The following VPS35L variants were observed in gnomAD, a reference collection of about 807,000 sequenced individuals.
VPS35L encodes VPS35 endosomal protein-sorting factor-like.
Under a neutral mutation model 133.0 loss-of-function variants are expected in VPS35L, and 83 were observed. The ratio of observed to expected loss-of-function variants is 0.62; its 90% CI spans 0.52 to 0.75. The LOEUF (loss-of-function observed/expected upper bound fraction) is 0.75. Ranked by LOEUF, VPS35L falls within the 30% of genes least tolerant of loss-of-function variation. The pLI, the probability that VPS35L is intolerant of heterozygous loss-of-function variation, is 0.00. For synonymous variants in VPS35L, 423 were observed against 449.9 expected (o/e 0.94, Z 0.76); for missense variants, 1,083 against 1,206.8 (o/e 0.90, Z 1.52).
chr16:19,608,132 T>A, intron 9 of VPS35L, 46 bp from the exon 10 acceptor site: 1 of 1,434,970 alleles, frequency 7.0e-7, no homozygotes, highest in East Asian at 2.3e-5. Flanking sequence ...CTCACACAGA[T>A]CCTGAGATTT....
At chr16:19,608,808 A>C (rs1972617658) in intron 10 of VPS35L, 166 bp from the exon 11 acceptor site, 1 of 563,400 alleles carries the variant, frequency 1.8e-6, no homozygotes, top group Admixed American at 3.1e-5. Context: ...AACTTTGAAA[A>C]CCATATGTAG....
chr16:19,642,244 A>T, intron 21 of VPS35L, 152 bp from the exon 22 acceptor site: 1 of 608,230 alleles, frequency 1.6e-6, no homozygotes, highest in Non-Finnish European at 2.9e-6. Flanking sequence ...ACAACCAGAG[A>T]ACATGGCTCG....
chr16:19,648,874 C>CAAAAA (rs552677405), intron 24 of VPS35L, among the ~76,000 whole-genome samples: 2 of 91,848 alleles, frequency 2.2e-5, no homozygotes, highest in Admixed American at 2.5e-4. Flanking sequence ...GACTCCATCT[C>CAAAAA]AAAAAAAAAA....
At chr16:19,569,140 A>G (rs929313652) in intron 2 of VPS35L, 1 of 597,212 alleles carries the variant, frequency 1.7e-6, no homozygotes, top group East Asian at 3.6e-5. Context: ...TTGGTTTGCT[A>G]CATAGGGAAC....
chr16:19,655,849 C>T (rs555281840), intron 26 of VPS35L, among the ~76,000 whole-genome samples: 48 of 152,310 alleles, frequency 3.2e-4, no homozygotes, highest in South Asian at 8.3e-4. Context: ...AACTTCTTGC[C>T]CTTGTTTGTC....
At chr16:19,662,833 C>T (rs1414597103) in intron 26 of VPS35L, among the ~76,000 whole-genome samples, 3 of 151,948 alleles carry the variant, frequency 2.0e-5, no homozygotes, top group South Asian at 2.1e-4. Flanking sequence ...TCACCCTAAC[C>T]GAGCTCCTAC....
At position 19,688,025 on chromosome 16, in the gene VPS35L, C is replaced by T. The variant is rs112975329; in HGVS notation, c.2528-3328C>T. ...TGCTGCAACATCTGCCTCCTGGGCT[C>T]AAGTCATCCTCCCACCTCAGCCTCC... On this transcript the variant is annotated intron_variant, in intron 28 of 30. Coordinates refer to ENST00000417362, the MANE Select transcript of VPS35L (RefSeq NM_020314.7). Among the ~76,000 whole-genome samples the T allele has an allele frequency of 5.3e-3, 814 of 152,264 alleles. 3 individuals carry two copies. The highest frequency in any genetic ancestry group is 0.019 in the African/African-American group (791 of 41,568).
intron 26 of VPS35L, among the ~76,000 whole-genome samples, chr16:19,662,267 G>A (rs9923035): frequency 1.3e-5 from 2 of 152,034 alleles, no homozygotes; most frequent in African/African-American, 4.8e-5. Flanking sequence ...CACTTTGGGA[G>A]GCAGAGGCAG....
chr16:19,664,972 G>A (rs1029398402), intron 26 of VPS35L, among the ~76,000 whole-genome samples: 10 of 151,350 alleles, frequency 6.6e-5, no homozygotes, highest in African/African-American at 7.3e-5. Flanking sequence ...AGCCTAGTCC[G>A]TGTACTTGCT....
At chr16:19,623,952 C>T (rs1275980375) in intron 14 of VPS35L, among the ~76,000 whole-genome samples, 3 of 150,030 alleles carry the variant, frequency 2.0e-5, no homozygotes. Context: ...TATAAGCACA[C>T]ACCACCATGC....
intron 28 of VPS35L, 51 bp downstream of exon 28, chr16:19,682,441 G>C (rs768760766): frequency 6.4e-7 from 1 of 1,558,150 alleles, no homozygotes; most frequent in Non-Finnish European, 8.8e-7. Flanking sequence ...TTCATGAAAG[G>C]CAGACAGAAT....
chr16:19,587,797 CTTTTTTTTTTT>C (rs775544331), intron 7 of VPS35L, among the ~76,000 whole-genome samples: 3 of 118,962 alleles, frequency 2.5e-5, no homozygotes, highest in Non-Finnish European at 5.1e-5. Context: ...TCCACATTGT[CTTTTTTTTTTT>C]TTTTTTTTTG....
intron 2 of VPS35L, among the ~76,000 whole-genome samples, chr16:19,567,150 G>A (rs1971214451): frequency 6.6e-6 from 1 of 152,220 alleles, no homozygotes; most frequent in African/African-American, 2.4e-5. Context: ...ACTATGTGCA[G>A]AGAAACCTTT....
chr16:19,651,854 C>A, intron 25 of VPS35L, 122 bp from the exon 26 acceptor site: 1 of 750,138 alleles, frequency 1.3e-6, no homozygotes, highest in Non-Finnish European at 2.3e-6. Context: ...GAAAATGGGG[C>A]TCAGAATGTG....
At chr16:19,694,339 G>C (rs1247951719) in intron 29 of VPS35L, 2 of 152,144 alleles carry the variant, frequency 1.3e-5, no homozygotes, top group African/African-American at 4.8e-5. Context: ...CTCAGCAAGG[G>C]TTCATACCTC....
chr16:19,578,645 T>G (rs1971611998), intron 5 of VPS35L: 2 of 319,794 alleles, frequency 6.3e-6, no homozygotes, highest in African/African-American at 4.4e-5. Context: ...GTGAGATGGT[T>G]GTTTTGTTAG....
rs58794831 is a variant in VPS35L at position 19,570,834 on chromosome 16, CATATATATAT to C, written c.285+1290_285+1299del. The stretch of plus-strand genomic sequence containing the variant: ...TCGATCATCATCCTATGCTGTGTTT[CATATATATAT>C]ATATATATATATATATATATATATA... On this transcript the variant is annotated intron_variant, in intron 3 of 30. Transcript: ENST00000417362. 8.8e-3 allele frequency among the ~76,000 whole-genome samples: 693 copies of C among 78,652 alleles called. 10 individuals are homozygous for C. Among genetic ancestry groups the C allele is most frequent in the Non-Finnish European group, 0.012 (430 of 35,988 alleles). The allele number at this position is 78,652 out of a possible 152,430, so 51.6% of individuals were successfully genotyped here.
rs371946773 is a variant in VPS35L, at chr16:19,700,361, T to G, written c.2794-17T>G. 76 of 1,604,004 alleles carry G rather than the reference T, an allele frequency of 4.7e-5. No individual in the cohort carries two copies. Among genetic ancestry groups the G allele is most frequent in the Admixed American group, 1.5e-4 (9 of 59,996 alleles). ...TAATGAACCAGAAAGGAGATGGATC[T>G]TTCTTTTTCCTCATAGGTGAAAACG... On this transcript the variant is annotated splice_polypyrimidine_tract_variant and intron_variant, in intron 30 of 30. Coordinates refer to ENST00000417362, the MANE Select transcript of VPS35L (RefSeq NM_020314.7).
intron 29 of VPS35L, among the ~76,000 whole-genome samples, chr16:19,693,172 C>A (rs937708674): frequency 9.2e-5 from 14 of 152,068 alleles, no homozygotes; most frequent in African/African-American, 3.4e-4. Flanking sequence ...GGCATTGGAA[C>A]CCCAGTTTCT....
Sources: gnomAD v4.1 joint callset for allele counts (sites outside exome capture counted in the v4.1 genomes callset) on GRCh38, gnomAD v4.1.1 for gene constraint, MANE v1.5 for transcripts, NCBI Gene and HGNC (gene_info 2026-07-23, HGNC 2026-07-21) for gene names.